Variants in FOXO1 observed in about 807,000 individuals in gnomAD.
FOXO1 encodes forkhead box O1.
FOXO1 carries 6 observed loss-of-function variants against 44.1 expected under a neutral mutation model. The ratio of observed to expected loss-of-function variants is 0.14; its 90% CI spans 0.07 to 0.27. The LOEUF (loss-of-function observed/expected upper bound fraction) is 0.27. Ranked by LOEUF, FOXO1 falls within the 10% of genes least tolerant of loss-of-function variation. FOXO1 has a pLI of 1.00. For missense variants in FOXO1, 737 were observed against 888.8 expected, an observed-to-expected ratio of 0.83 and a Z score of 2.17; for synonymous variants, 380 against 362.7, an observed-to-expected ratio of 1.05 and a Z score of -0.54.
intron 1 of FOXO1, among the ~76,000 whole-genome samples, chr13:40,596,491 C>T (rs1875582494): frequency 6.6e-6 from 1 of 152,182 alleles, no homozygotes; most frequent in Non-Finnish European, 1.5e-5. Flanking sequence ...GAGATCCTGA[C>T]TCAAATCCCT....
At chr13:40,572,697 T>C (rs1359982535) in intron 1 of FOXO1, among the ~76,000 whole-genome samples, 3 of 152,204 alleles carry the variant, frequency 2.0e-5, no homozygotes, top group African/African-American at 7.2e-5. Context: ...GCAAAACTAT[T>C]TGGGCCCAGG....
intron 1 of FOXO1, among the ~76,000 whole-genome samples, chr13:40,604,597 AAC>A (rs1875931302): frequency 6.6e-6 from 1 of 152,148 alleles, no homozygotes; most frequent in Non-Finnish European, 1.5e-5. Context: ...TACTACAGAG[AAC>A]TAACTGAAAG....
chr13:40,588,509 A>T (rs1401881080), intron 1 of FOXO1, among the ~76,000 whole-genome samples: 1 of 152,246 alleles, frequency 6.6e-6, no homozygotes, highest in African/African-American at 2.4e-5. Flanking sequence ...GGAACAAATT[A>T]TATTTAAGTT....
intron 1 of FOXO1, among the ~76,000 whole-genome samples, chr13:40,641,091 G>A (rs1282013508): frequency 6.6e-6 from 1 of 152,078 alleles, no homozygotes; most frequent in Non-Finnish European, 1.5e-5. Flanking sequence ...GCCAGTGTTT[G>A]TTATTTCTAT....
At chr13:40,578,379 T>C (rs1874838972) in intron 1 of FOXO1, among the ~76,000 whole-genome samples, 2 of 152,184 alleles carry the variant, frequency 1.3e-5, no homozygotes, top group African/African-American at 4.8e-5. Flanking sequence ...CTGGTTAAAT[T>C]CCTACTCGGT....
chr13:40,615,777 C>T (rs763300981), intron 1 of FOXO1, among the ~76,000 whole-genome samples: 3 of 152,112 alleles, frequency 2.0e-5, no homozygotes, highest in Non-Finnish European at 4.4e-5. Context: ...CAGAAGGATG[C>T]ATGGCGTGAA....
chr13:40,560,058 G>A lies in FOXO1; in HGVS notation c.1433C>T (p.Thr478Ile), dbSNP rs1286494117. 4.3e-6 allele frequency: 7 copies of A among 1,614,144 alleles called. No homozygotes were observed. Among genetic ancestry groups the A allele is most frequent in the Admixed American group, 1.7e-5 (1 of 60,020 alleles). ...CTGGGCTACCCCAGGATCAACTGGT[G>A]TCATAATGTCATTATGGGGAGGAGA... Reference protein sequence around the residue: ...SDSPPHNDIMTPVDPGVAQPN... With the variant: ...SDSPPHNDIMIPVDPGVAQPN... The change falls in exon 2 of 3, where the codon ACA becomes ATA. Residue 478 changes from threonine to isoleucine, a missense_variant. By Grantham distance (89) the Thr-to-Ile change is moderately conservative (BLOSUM62 -1). Coordinates refer to ENST00000379561, the MANE Select transcript of FOXO1 (RefSeq NM_002015.4). This position sits in a 1 kb window ranked among gnomAD's most constrained non-coding sequence, Gnocchi z 5.1.
chr13:40,619,668 T>C (rs1197649072), intron 1 of FOXO1: 44 of 1,468,414 alleles, frequency 3.0e-5, no homozygotes, highest in Non-Finnish European at 4.1e-5. Context: ...TCAATGGTGG[T>C]AGTTCCAACA....
intron 1 of FOXO1, among the ~76,000 whole-genome samples, chr13:40,663,141 T>C (rs1172471049): frequency 6.6e-6 from 1 of 152,234 alleles, no homozygotes; most frequent in Non-Finnish European, 1.5e-5. Flanking sequence ...AGGCTCCCAC[T>C]GGGAGCTGCC....
At chr13:40,582,067 T>C (rs1874976579) in intron 1 of FOXO1, among the ~76,000 whole-genome samples, 1 of 152,210 alleles carries the variant, frequency 6.6e-6, no homozygotes, top group Admixed American at 6.5e-5. Context: ...TCTTCATGTA[T>C]GAAATACAGG....
At chr13:40,651,992 C>T (rs927468316) in intron 1 of FOXO1, among the ~76,000 whole-genome samples, 1 of 152,168 alleles carries the variant, frequency 6.6e-6, no homozygotes, top group African/African-American at 2.4e-5. Flanking sequence ...TTCCCATTCA[C>T]CACATGTAAA....
rs1023632444 is a variant in FOXO1, at chr13:40,556,952, T to C, written c.*2097A>G. On this transcript the variant is annotated 3_prime_UTR_variant, in exon 3 of 3. Coordinates refer to ENST00000379561, the MANE Select transcript of FOXO1 (RefSeq NM_002015.4). Reference sequence around the variant, plus strand: ...CCCGGGAGGCTGTGCTTAGAGGAACTTGGGTTTCTAAAACCAGCTATGTCT... The same window carrying C: ...CCCGGGAGGCTGTGCTTAGAGGAACCTGGGTTTCTAAAACCAGCTATGTCT... 1.3e-5 allele frequency: 2 copies of C among 152,200 alleles called. No individual in the cohort carries two copies. The highest frequency in any genetic ancestry group is 2.4e-5 in the African/African-American group (1 of 41,456). 9.4% of individuals were successfully genotyped at this position (152,200 alleles called of 1,614,324 possible).
intron 1 of FOXO1, among the ~76,000 whole-genome samples, chr13:40,656,016 A>G (rs1440342147): frequency 6.6e-6 from 1 of 152,150 alleles, no homozygotes; most frequent in Non-Finnish European, 1.5e-5. Flanking sequence ...ATGTGCCACA[A>G]TGCCATTTTT....
chr13:40,664,168 G>A (rs944317807), intron 1 of FOXO1, among the ~76,000 whole-genome samples: 1 of 152,226 alleles, frequency 6.6e-6, no homozygotes, highest in Non-Finnish European at 1.5e-5. Context: ...AGCTACTCGG[G>A]AGGCTGAGAC....
chr13:40,648,020 C>G (rs928476058), intron 1 of FOXO1, among the ~76,000 whole-genome samples: 1 of 152,146 alleles, frequency 6.6e-6, no homozygotes, highest in Admixed American at 6.5e-5. Context: ...TGAGGATGCT[C>G]TATAAGTTTC....
At position 40,641,064 on chromosome 13, in the gene FOXO1, G is replaced by A. The variant is rs779914904; in HGVS notation, c.630+24519C>T. On this transcript the variant is annotated intron_variant, in intron 1 of 2. Transcript: ENST00000379561. ...CCTCCAAAGTGCTAGGATTACAGGC[G>A]TGAGCCATCGTGCCCGGCCAGTGTT... 2.4e-4 allele frequency among the ~76,000 whole-genome samples: 36 copies of A among 152,274 alleles called. 1 individual carries two copies. Among genetic ancestry groups the A allele is most frequent in the Non-Finnish European group, 3.7e-4 (25 of 68,014 alleles).
intron 1 of FOXO1, among the ~76,000 whole-genome samples, chr13:40,633,354 T>C (rs1319393374): frequency 6.6e-6 from 1 of 152,224 alleles, no homozygotes; most frequent in Admixed American, 6.5e-5. Flanking sequence ...AATTTTGAAA[T>C]GTGGGGAGGT....
rs561258807 is a variant in FOXO1, at chr13:40,616,298, G to A, written c.630+49285C>T. 6.6e-4 allele frequency among the ~76,000 whole-genome samples: 100 copies of A among 151,952 alleles called. 1 individual carries two copies. Among genetic ancestry groups the A allele is most frequent in the African/African-American group, 2.4e-3 (100 of 41,454 alleles). On this transcript the variant is annotated intron_variant, in intron 1 of 2. Coordinates refer to ENST00000379561, the MANE Select transcript of FOXO1 (RefSeq NM_002015.4). ...TTTAAATGAAAAAAAAAATTAAAAC[G>A]CAAAAAAAGAACACTGCACACCCTG... is the stretch of plus-strand genomic sequence containing the variant.
intron 1 of FOXO1, among the ~76,000 whole-genome samples, chr13:40,588,233 T>C (rs1875244875): frequency 6.6e-6 from 1 of 152,182 alleles, no homozygotes; most frequent in Admixed American, 6.5e-5. Context: ...AAGGTGTTCC[T>C]TGCTCAGGCT....
Sources: gnomAD v4.1 joint callset for allele counts (sites outside exome capture counted in the v4.1 genomes callset) on GRCh38, gnomAD v4.1.1 for gene constraint, Gnocchi (gnomAD v3.1) non-coding constraint, MANE v1.5 for transcripts, NCBI Gene and HGNC (gene_info 2026-07-23, HGNC 2026-07-21) for gene names.